Variants in NTM observed in about 807,000 individuals in gnomAD.
NTM encodes IgLON family member 2.
In NTM, 13 loss-of-function variants were observed where a neutral mutation model predicts 42.1. That is an observed-to-expected ratio of 0.31 (90% CI 0.20 to 0.49). The LOEUF (loss-of-function observed/expected upper bound fraction) is 0.49, where lower values mean the gene tolerates loss of function less well. Ranked by LOEUF, NTM falls within the 20% of genes least tolerant of loss-of-function variation. The probability of loss-of-function intolerance (pLI) is 0.99; values close to 1 mark genes in which losing one functional copy is unlikely to be tolerated. For missense variants in NTM, 373 were observed against 452.8 expected (o/e 0.82, Z 1.60); for synonymous variants, 187 against 179.2 (o/e 1.04, Z -0.35).
chr11:131,958,227 G>C (rs1015326793), intron 2 of NTM, among the ~76,000 whole-genome samples: 1 of 152,104 alleles, frequency 6.6e-6, no homozygotes, highest in Non-Finnish European at 1.5e-5. Context: ...GACATAGAAC[G>C]TAAAAGGCAC....
intron 4 of NTM, among the ~76,000 whole-genome samples, chr11:132,213,981 G>A (rs1052948210): frequency 6.8e-6 from 1 of 147,882 alleles, no homozygotes; most frequent in Non-Finnish European, 1.5e-5. Flanking sequence ...TGATCCGCCC[G>A]CCTCGGCCTC....
chr11:131,637,011 G>A (rs1398289352), intron 1 of NTM, among the ~76,000 whole-genome samples: 2 of 152,054 alleles, frequency 1.3e-5, no homozygotes, highest in African/African-American at 2.4e-5. Flanking sequence ...CCTTAAAGCT[G>A]GTTCTTTCTG....
chr11:132,311,598 T>C (rs1237886172), intron 6 of NTM, among the ~76,000 whole-genome samples: 1 of 152,188 alleles, frequency 6.6e-6, no homozygotes, highest in Admixed American at 6.5e-5. Context: ...ACCTTCTTAT[T>C]GTACTAAGAA....
chr11:131,877,450 A>T (rs1175139661), intron 1 of NTM, among the ~76,000 whole-genome samples: 1 of 152,226 alleles, frequency 6.6e-6, no homozygotes, highest in Non-Finnish European at 1.5e-5. Flanking sequence ...GAAGAGTCTC[A>T]CATGACAATG....
At chr11:131,810,165 G>T (rs925913889) in intron 1 of NTM, among the ~76,000 whole-genome samples, 4 of 152,070 alleles carry the variant, frequency 2.6e-5, no homozygotes, top group African/African-American at 9.7e-5. Flanking sequence ...TTCTACTCCT[G>T]TCCCTCCTCT....
chr11:131,612,429 G>T (rs376915839), intron 1 of NTM, among the ~76,000 whole-genome samples: 2 of 152,172 alleles, frequency 1.3e-5, no homozygotes, highest in Non-Finnish European at 2.9e-5. Context: ...AGTGCTCCTC[G>T]CAATTTTTAT....
intron 2 of NTM, among the ~76,000 whole-genome samples, chr11:131,960,523 G>A (rs904296987): frequency 2.7e-5 from 3 of 110,670 alleles, no homozygotes; most frequent in Admixed American, 1.8e-4. Context: ...TGTTCCAGGA[G>A]CTGGCCCCAT....
At chr11:131,551,289 T>C (rs1022789498) in intron 1 of NTM, among the ~76,000 whole-genome samples, 5 of 152,036 alleles carry the variant, frequency 3.3e-5, no homozygotes, top group Admixed American at 6.5e-5. Context: ...AAGAAGATAA[T>C]AGCTCCTAAA....
intron 2 of NTM, among the ~76,000 whole-genome samples, chr11:131,987,431 A>G (rs186573330): frequency 7.0e-6 from 1 of 142,822 alleles, no homozygotes; most frequent in East Asian, 2.0e-4. Context: ...ATTCTATTCT[A>G]TTTTCATTCC....
chr11:131,778,093 A>G (rs939494194), intron 1 of NTM, among the ~76,000 whole-genome samples: 5 of 152,168 alleles, frequency 3.3e-5, no homozygotes, highest in Admixed American at 1.3e-4. Context: ...GTTTAACCCC[A>G]CTCAATACAT....
intron 1 of NTM, among the ~76,000 whole-genome samples, chr11:131,656,744 T>A (rs1338148902): frequency 3.3e-5 from 5 of 152,158 alleles, no homozygotes; most frequent in Non-Finnish European, 7.3e-5. Context: ...CACCCTGTTT[T>A]TCTTTTCTTG....
intron 1 of NTM, among the ~76,000 whole-genome samples, chr11:131,530,083 A>G (rs1022409607): frequency 1.3e-5 from 2 of 152,216 alleles, no homozygotes; most frequent in East Asian, 1.9e-4. Flanking sequence ...CTGCCTCTAT[A>G]TCTTAAAATC....
chr11:132,026,097 G>A (rs1353459923), intron 2 of NTM, among the ~76,000 whole-genome samples: 1 of 152,158 alleles, frequency 6.6e-6, no homozygotes. Flanking sequence ...GAGTGTTTGG[G>A]AAATACAAAG....
chr11:132,206,883 TC>T (rs1302386590), intron 3 of NTM, among the ~76,000 whole-genome samples: 3 of 152,236 alleles, frequency 2.0e-5, no homozygotes, highest in African/African-American at 7.2e-5. Context: ...TTTGTACTGT[TC>T]ATTCACATTC....
chr11:131,969,049 G>A (rs2057922215), intron 2 of NTM, among the ~76,000 whole-genome samples: 1 of 152,164 alleles, frequency 6.6e-6, no homozygotes, highest in Non-Finnish European at 1.5e-5. Flanking sequence ...ATCAATTAGT[G>A]TGCAATTCAA....
At chr11:131,443,130 C>G (rs1165283715) in intron 1 of NTM, among the ~76,000 whole-genome samples, 2 of 152,136 alleles carry the variant, frequency 1.3e-5, no homozygotes, top group African/African-American at 4.8e-5. Context: ...ATCTAATACA[C>G]AGTACGTGTG....
chr11:131,450,909 C>CT (rs561077436), intron 1 of NTM, among the ~76,000 whole-genome samples: 19 of 151,472 alleles, frequency 1.3e-4, no homozygotes, highest in South Asian at 8.4e-4. Flanking sequence ...ATAAATAAAC[C>CT]TTTTTTTTTC....
chr11:131,378,639 CAATT>C (rs1395887505), intron 1 of NTM, among the ~76,000 whole-genome samples: 11 of 152,268 alleles, frequency 7.2e-5, no homozygotes, highest in African/African-American at 2.6e-4. Flanking sequence ...TAATGACTCT[CAATT>C]GATCAATTCC....
At chr11:131,629,097 G>T (rs2063406635) in intron 1 of NTM, among the ~76,000 whole-genome samples, 1 of 152,250 alleles carries the variant, frequency 6.6e-6, no homozygotes, top group African/African-American at 2.4e-5. Flanking sequence ...GGAGATTTGG[G>T]ACAGTGCCCT....
Sources: allele counts gnomAD v4.1 joint callset (sites outside exome capture counted in the v4.1 genomes callset), GRCh38; gene constraint gnomAD v4.1.1; transcripts MANE v1.5; gene names NCBI Gene and HGNC (gene_info 2026-07-23, HGNC 2026-07-21).